KAZN: variants seen among roughly 807,000 people sequenced by gnomAD.
The protein encoded by KAZN is kazrin, periplakin interacting protein.
A neutral mutation model predicts 87.4 loss-of-function variants in KAZN; 40 were observed. The observed-to-expected ratio is 0.46, with a 90% CI of 0.36 to 0.60. The LOEUF (loss-of-function observed/expected upper bound fraction) is 0.60, where lower values mean the gene tolerates loss of function less well. KAZN is among the 20% of genes least tolerant of loss of function. The pLI, the probability that KAZN is intolerant of heterozygous loss-of-function variation, is 0.00. For missense variants in KAZN, 898 were observed against 1,073.9 expected (o/e 0.84, Z 2.29); for synonymous variants, 466 against 458.3 (o/e 1.02, Z -0.22).
At chr1:14,258,390 A>ATTTTTT (rs760768355) in intron 2 of KAZN, among the ~76,000 whole-genome samples, 14 of 125,506 alleles carry the variant, frequency 1.1e-4, no homozygotes, top group African/African-American at 3.1e-4. Flanking sequence ...TAAATTTTGT[A>ATTTTTT]TTTTTTTTTT....
intron 1 of KAZN, among the ~76,000 whole-genome samples, chr1:14,060,900 C>T (rs908595957): frequency 6.6e-6 from 1 of 152,190 alleles, no homozygotes; most frequent in African/African-American, 2.4e-5. Flanking sequence ...CCAGATGTTC[C>T]TAAGAACTCC....
At chr1:15,105,066 G>T (rs1326690959) in intron 13 of KAZN, among the ~76,000 whole-genome samples, 1 of 152,142 alleles carries the variant, frequency 6.6e-6, no homozygotes, top group East Asian at 1.9e-4. Context: ...AAATTTGTTA[G>T]TACTTTGTTG....
At position 14,599,330 on chromosome 1, in the gene KAZN, G is replaced by T. The variant is rs1027520606; in HGVS notation, c.226+107G>T. ...CCCACACCCGGGGCGAAATCGCTTT[G>T]CATTCTGGCTTGTAACCCTTTCCGC... On this transcript the variant is annotated intron_variant, in intron 1 of 14. Transcript: ENST00000376030. This position sits in a 1 kb window ranked among gnomAD's most constrained non-coding sequence, Gnocchi z 4.4. The T allele has an allele frequency of 4.2e-5, 49 of 1,168,104 alleles. No individual in the cohort carries two copies. Among genetic ancestry groups the T allele is most frequent in the Non-Finnish European group, 3.9e-5 (36 of 926,316 alleles). The allele number at this position is 1,168,104 out of a possible 1,614,324, so 72.4% of individuals were successfully genotyped here.
intron 2 of KAZN, among the ~76,000 whole-genome samples, chr1:14,571,644 A>G (rs553131379): frequency 6.6e-6 from 1 of 152,306 alleles, no homozygotes; most frequent in East Asian, 1.9e-4. Context: ...CCATCCCCCT[A>G]TAAAGGCAGC....
intron 1 of KAZN, among the ~76,000 whole-genome samples, chr1:14,611,649 G>A (rs1342652736): frequency 1.3e-5 from 2 of 150,084 alleles, no homozygotes; most frequent in African/African-American, 4.9e-5. Context: ...TGATTGCATC[G>A]CTGCACTCCA....
chr1:14,839,961 T>C, intron 1 of KAZN, among the ~76,000 whole-genome samples: 1 of 152,098 alleles, frequency 6.6e-6, no homozygotes, highest in East Asian at 1.9e-4. Context: ...TGTCCTGCCT[T>C]CTGTCCTCTC....
At chr1:14,137,604 T>G (rs902480381) in intron 1 of KAZN, among the ~76,000 whole-genome samples, 2 of 152,072 alleles carry the variant, frequency 1.3e-5, no homozygotes, top group South Asian at 4.1e-4. Context: ...ATAATAATAT[T>G]CATTTCAGGG....
At chr1:15,032,990 A>C (rs568127321) in intron 2 of KAZN, among the ~76,000 whole-genome samples, 65 of 152,080 alleles carry the variant, frequency 4.3e-4, no homozygotes, top group Non-Finnish European at 7.5e-4. Flanking sequence ...AAAGAAAATG[A>C]ATGGTTGTAT....
At chr1:14,370,700 ATTTAAG>A (rs1410842072) in intron 2 of KAZN, among the ~76,000 whole-genome samples, 1 of 151,988 alleles carries the variant, frequency 6.6e-6, no homozygotes, top group Non-Finnish European at 1.5e-5. Flanking sequence ...TCTCTTTTTT[ATTTAAG>A]TTTGAGACAC....
intron 1 of KAZN, among the ~76,000 whole-genome samples, chr1:14,667,241 C>A (rs1639618481): frequency 6.6e-6 from 1 of 152,174 alleles, no homozygotes; most frequent in African/African-American, 2.4e-5. Flanking sequence ...GCATACGGAG[C>A]CCTGGCTGTC....
At chr1:15,109,793 GTA>G (rs1327164193) in intron 13 of KAZN, among the ~76,000 whole-genome samples, 375 of 31,392 alleles carry the variant, frequency 0.012, 1 homozygote, top group African/African-American at 0.05. Flanking sequence ...GTGTTTGTGT[GTA>G]TGTGTATGTG....
intron 1 of KAZN, among the ~76,000 whole-genome samples, chr1:13,990,694 GA>G (rs1026534798): frequency 4.6e-5 from 7 of 152,092 alleles, no homozygotes; most frequent in Non-Finnish European, 1.5e-5. Context: ...TACCTCAAAA[GA>G]AAAAAATCTG....
intron 1 of KAZN, among the ~76,000 whole-genome samples, chr1:14,805,065 G>A (rs929726015): frequency 3.9e-5 from 6 of 152,232 alleles, no homozygotes; most frequent in African/African-American, 1.4e-4. Flanking sequence ...GGAGAAAACC[G>A]TACCTGTTGT....
intron 2 of KAZN, among the ~76,000 whole-genome samples, chr1:14,514,639 A>ATC (rs1230983160): frequency 5.5e-5 from 4 of 72,636 alleles, no homozygotes; most frequent in South Asian, 4.6e-4. Flanking sequence ...ATATATATAT[A>ATC]TCTCAAATTG....
At chr1:14,859,344 T>C (rs1203040164) in intron 1 of KAZN, among the ~76,000 whole-genome samples, 1 of 152,156 alleles carries the variant, frequency 6.6e-6, no homozygotes, top group African/African-American at 2.4e-5. Flanking sequence ...GCCCTCCATT[T>C]CACAGATGAG....
intron 1 of KAZN, among the ~76,000 whole-genome samples, chr1:14,008,375 A>T (rs943928471): frequency 6.6e-6 from 1 of 152,230 alleles, no homozygotes; most frequent in Non-Finnish European, 1.5e-5. Context: ...AGGGTGGCAA[A>T]TCAAACCTAC....
At chr1:14,522,311 T>C (rs890581055) in intron 2 of KAZN, among the ~76,000 whole-genome samples, 1 of 152,212 alleles carries the variant, frequency 6.6e-6, no homozygotes. Context: ...GAAGAAACCC[T>C]CTGAGACCTA....
intron 1 of KAZN, among the ~76,000 whole-genome samples, chr1:13,894,762 A>G (rs1638971871): frequency 6.6e-6 from 1 of 152,200 alleles, no homozygotes; most frequent in South Asian, 2.1e-4. Context: ...CCCCTGCTGC[A>G]AAACAAGAGA....
At chr1:15,038,474 T>C (rs1672557764) in intron 3 of KAZN, among the ~76,000 whole-genome samples, 1 of 152,198 alleles carries the variant, frequency 6.6e-6, no homozygotes, top group Non-Finnish European at 1.5e-5. Flanking sequence ...GTATTACTAA[T>C]ACCAGACGTT....
Sources: allele counts gnomAD v4.1 joint callset (sites outside exome capture counted in the v4.1 genomes callset), GRCh38; gene constraint gnomAD v4.1.1; non-coding constraint Gnocchi (gnomAD v3.1); transcripts MANE v1.5; gene names NCBI Gene and HGNC (gene_info 2026-07-23, HGNC 2026-07-21).